The following SRGAP3 variants were observed in gnomAD, a reference collection of about 807,000 sequenced individuals.
The protein encoded by SRGAP3 is SLIT-ROBO Rho GTPase activating protein 3, also known as SLIT-ROBO Rho GTPase-activating protein 3.
In SRGAP3, 39 loss-of-function variants were observed where a neutral mutation model predicts 121.1. That is an observed-to-expected ratio of 0.32 (90% confidence interval 0.25 to 0.42). The LOEUF (loss-of-function observed/expected upper bound fraction) is 0.42. Among genes scored for constraint, SRGAP3 ranks in the 10% least tolerant of loss-of-function variants. The pLI, the probability that SRGAP3 is intolerant of heterozygous loss-of-function variation, is 1.00. For synonymous variants in SRGAP3, 601 were observed against 570.0 expected (o/e 1.05, Z -0.77); for missense variants, 1,213 against 1,470.6 (o/e 0.82, Z 2.86).
At chr3:9,229,030 CCGCAG>C in intron 1 of SRGAP3, among the ~76,000 whole-genome samples, 1 of 147,928 alleles carries the variant, frequency 6.8e-6, no homozygotes, top group South Asian at 2.2e-4. Context: ...CCACTGCAGT[CCGCAG>C]TCCGGCCTGG....
chr3:9,149,080 G>A (rs1334341560), intron 1 of SRGAP3, among the ~76,000 whole-genome samples: 22 of 151,928 alleles, frequency 1.4e-4, no homozygotes, highest in Admixed American at 1.4e-3. Flanking sequence ...CGAGCGTGGT[G>A]GCAGGCGCCT....
intron 1 of SRGAP3, among the ~76,000 whole-genome samples, chr3:9,227,582 G>T (rs1209321914): frequency 6.6e-6 from 1 of 152,244 alleles, no homozygotes; most frequent in Admixed American, 6.5e-5. Flanking sequence ...TGGCTTCCCA[G>T]TCCAATGCAG....
chr3:9,081,336 G>C, intron 3 of SRGAP3: 2 of 454,072 alleles, frequency 4.4e-6, no homozygotes, highest in Non-Finnish European at 8.9e-6. Context: ...AGTACAGGTT[G>C]GCAGAAAGGC....
chr3:8,998,923 G>C (rs1942577791), intron 18 of SRGAP3, among the ~76,000 whole-genome samples: 1 of 152,196 alleles, frequency 6.6e-6, no homozygotes, highest in Admixed American at 6.5e-5. Context: ...ACAGTGATGA[G>C]CTAACATCTG....
At chr3:9,086,810 T>C (rs1049611613) in intron 3 of SRGAP3, among the ~76,000 whole-genome samples, 1 of 86,872 alleles carries the variant, frequency 1.2e-5, no homozygotes, top group South Asian at 4.2e-4. Context: ...ATACATATAA[T>C]ATACATATAC....
chr3:9,243,145 G>C (rs557407667), intron 1 of SRGAP3, among the ~76,000 whole-genome samples: 2 of 152,292 alleles, frequency 1.3e-5, no homozygotes, highest in East Asian at 1.9e-4. Context: ...TGGAACAGAG[G>C]GGGAGATATG....
chr3:9,272,005 A>G (rs1954486341), intron 3 of SRGAP3, among the ~76,000 whole-genome samples: 1 of 152,202 alleles, frequency 6.6e-6, no homozygotes. Flanking sequence ...AAGTCATATG[A>G]CCTGCCAAAA....
intron 14 of SRGAP3, among the ~76,000 whole-genome samples, chr3:9,023,426 T>C (rs968823568): frequency 1.3e-5 from 2 of 152,218 alleles, no homozygotes; most frequent in African/African-American, 4.8e-5. Flanking sequence ...CCTTTGCACA[T>C]GCTGTTCTCT....
intron 1 of SRGAP3, among the ~76,000 whole-genome samples, chr3:9,144,948 A>G (rs936149849): frequency 3.3e-5 from 5 of 152,258 alleles, no homozygotes; most frequent in African/African-American, 1.2e-4. Flanking sequence ...TGAAGGTTAC[A>G]TGTGCATTAT....
intron 3 of SRGAP3, among the ~76,000 whole-genome samples, chr3:9,294,162 A>T (rs1277822667): frequency 6.6e-6 from 1 of 152,156 alleles, no homozygotes; most frequent in African/African-American, 2.4e-5. Context: ...AAAGAATGAG[A>T]TCCATACACA....
intron 4 of SRGAP3, among the ~76,000 whole-genome samples, chr3:9,064,874 A>AATAAATAAATAC (rs1946353840): frequency 6.6e-6 from 1 of 151,410 alleles, no homozygotes; most frequent in African/African-American, 2.4e-5. Context: ...TAAATAAATA[A>AATAAATAAATAC]ATAAATAAAT....
chr3:9,155,910 G>T (rs1046082700), intron 1 of SRGAP3, among the ~76,000 whole-genome samples: 1 of 152,144 alleles, frequency 6.6e-6, no homozygotes, highest in Non-Finnish European at 1.5e-5. Flanking sequence ...CCACCTCCCG[G>T]GTTCACGCCA....
At position 9,202,901 on chromosome 3, in the gene SRGAP3, G is replaced by A. The variant is rs117170963; in HGVS notation, c.67+45984C>T. On this transcript the variant is annotated intron_variant, in intron 1 of 21. Coordinates refer to ENST00000383836, the MANE Select transcript of SRGAP3 (RefSeq NM_014850.4). ...TAAGCCTCCTTCCTTTCCTTTTGTG[G>A]GAAAACCAACTGCAGTGACTGGTTG... is the stretch of plus-strand genomic sequence containing the variant. Among the ~76,000 whole-genome samples, 113 of 152,122 alleles carry A rather than the reference G, an allele frequency of 7.4e-4. 3 individuals carry two copies. The East Asian group carries it at 0.018, about 25-fold the overall frequency.
At chr3:9,007,766 G>A (rs1943153812) in intron 18 of SRGAP3, 1 of 152,112 alleles carries the variant, frequency 6.6e-6, no homozygotes, top group Non-Finnish European at 1.5e-5. Flanking sequence ...CAGAGGTGAT[G>A]TGGCTTGCCT....
At chr3:9,081,780 C>T (rs1215897358) in intron 3 of SRGAP3, among the ~76,000 whole-genome samples, 1 of 152,108 alleles carries the variant, frequency 6.6e-6, no homozygotes, top group East Asian at 1.9e-4. Flanking sequence ...CTTGAAGAGT[C>T]TAGAATTCTT....
chr3:8,986,986 A>G (rs1941748977), intron 21 of SRGAP3, among the ~76,000 whole-genome samples: 1 of 152,252 alleles, frequency 6.6e-6, no homozygotes, highest in Non-Finnish European at 1.5e-5. Flanking sequence ...ATTTAACCCA[A>G]GAGCCCTGGG....
At chr3:9,211,318 C>T (rs906572335) in intron 1 of SRGAP3, among the ~76,000 whole-genome samples, 1 of 152,190 alleles carries the variant, frequency 6.6e-6, no homozygotes, top group African/African-American at 2.4e-5. Context: ...ATTCTCCCAG[C>T]TCCACCGCAG....
intron 1 of SRGAP3, among the ~76,000 whole-genome samples, chr3:9,245,276 G>A (rs569469785): frequency 6.6e-6 from 1 of 152,258 alleles, no homozygotes; most frequent in South Asian, 2.1e-4. Flanking sequence ...TCTGAAGTCC[G>A]TCACAATCAC....
At chr3:9,222,501 T>C (rs986833262) in intron 1 of SRGAP3, among the ~76,000 whole-genome samples, 5 of 152,208 alleles carry the variant, frequency 3.3e-5, no homozygotes, top group African/African-American at 9.6e-5. Context: ...TTCTGTTGCT[T>C]ACAATTCAAA....
Sources: allele counts gnomAD v4.1 joint callset (sites outside exome capture counted in the v4.1 genomes callset), GRCh38; gene constraint gnomAD v4.1.1; transcripts MANE v1.5; gene names NCBI Gene and HGNC (gene_info 2026-07-23, HGNC 2026-07-21).